SEC63: variants seen among roughly 807,000 people sequenced by gnomAD.
SEC63 encodes translocation protein SEC63 homolog.
SEC63 carries 56 observed loss-of-function variants against 116.2 expected under a neutral mutation model. The ratio of observed to expected loss-of-function variants is 0.48; its 90% CI spans 0.39 to 0.60. The LOEUF (loss-of-function observed/expected upper bound fraction) is 0.60. SEC63 is among the 20% of genes least tolerant of loss of function. SEC63 has a pLI of 0.00. For missense variants in SEC63, 668 were observed against 900.0 expected (o/e 0.74, Z 3.30); for synonymous variants, 273 against 294.6 (o/e 0.93, Z 0.75).
At chr6:107,910,482 A>G (rs917076852) in intron 7 of SEC63, among the ~76,000 whole-genome samples, 1 of 152,102 alleles carries the variant, frequency 6.6e-6, no homozygotes, top group African/African-American at 2.4e-5. Flanking sequence ...CAAAAATAAA[A>G]TTAAAATGGA....
intron 7 of SEC63, 110 bp from the exon 8 acceptor site, chr6:107,909,145 A>T (rs1304118537): frequency 2.8e-6 from 2 of 710,930 alleles, no homozygotes; most frequent in Non-Finnish European, 5.0e-6. Context: ...AGGTGAGAGG[A>T]CTGCTTGAGC....
At chr6:107,948,746 G>T (rs575912708) in intron 1 of SEC63, among the ~76,000 whole-genome samples, 1 of 152,172 alleles carries the variant, frequency 6.6e-6, no homozygotes, top group South Asian at 2.1e-4. Context: ...CTAAGATCCA[G>T]ACCCACCAAA....
At chr6:107,955,939 G>C (rs1770702102) in intron 1 of SEC63, 6 of 355,866 alleles carry the variant, frequency 1.7e-5, no homozygotes, top group Admixed American at 4.2e-5. Context: ...TATGAAATCA[G>C]GTGAATTTTA....
chr6:107,954,283 G>A (rs1219073723), intron 1 of SEC63, among the ~76,000 whole-genome samples: 2 of 151,526 alleles, frequency 1.3e-5, no homozygotes, highest in South Asian at 2.1e-4. Flanking sequence ...CTCGTTAAGA[G>A]TCATCACCAC....
At chr6:107,940,007 T>C (rs1369042467) in intron 1 of SEC63, among the ~76,000 whole-genome samples, 6 of 152,164 alleles carry the variant, frequency 3.9e-5, no homozygotes, top group African/African-American at 1.4e-4. Context: ...ATTTGGAATA[T>C]AGGCTTCATA....
chr6:107,904,692 C>G lies in SEC63; in HGVS notation c.991G>C (p.Ala331Pro). 1 of 1,613,776 alleles carries G rather than the reference C, an allele frequency of 6.2e-7. No homozygotes were observed. Among genetic ancestry groups the G allele is most frequent in the Non-Finnish European group, 8.5e-7 (1 of 1,179,694 alleles). The change falls in exon 11 of 21, where the codon GCC (alanine) becomes CCC (proline). Residue 331 changes from alanine (A) to proline (P), a missense_variant. By Grantham distance (27) the Ala-to-Pro change is conservative. This residue lies in a region of SEC63 where 430 missense variants were observed against 557.5 expected (regional missense o/e 0.77). Transcript: ENST00000369002. ...DQQFMLKKCPALLQEMVNVIC... is the reference protein window; with the variant it reads ...DQQFMLKKCPPLLQEMVNVIC... ...ACATTAACCATTTCTTGAAGTAGGG[C>G]AGGACACTTTTTTAGCATGAATTGC... is the stretch of plus-strand genomic sequence containing the variant.
intron 16 of SEC63, among the ~76,000 whole-genome samples, chr6:107,887,191 A>G (rs1268236522): frequency 5.8e-4 from 88 of 151,484 alleles, no homozygotes; most frequent in Non-Finnish European, 1.0e-3. Context: ...TCAGTGTGGC[A>G]ATTCCTCAGG....
Position 107,911,411 on chromosome 6 carries a change from A to G in SEC63, c.574-15T>C, listed in dbSNP as rs1405242797. 4.5e-6 allele frequency: 7 copies of G among 1,566,684 alleles called. No homozygotes were observed. The South Asian group carries it at 7.8e-5, about 17-fold the overall frequency. The stretch of plus-strand genomic sequence containing the variant: ...ACAAGTAAAACCTAAAATTGAAGAG[A>G]AAAAGAATTATGGCCTTCGTCAGGT... On this transcript the variant is annotated splice_polypyrimidine_tract_variant and intron_variant, in intron 6 of 20. Transcript: ENST00000369002.
chr6:107,876,542 A>T (rs780346197), intron 19 of SEC63, 22 bp downstream of exon 19: 1 of 1,405,422 alleles, frequency 7.1e-7, no homozygotes, highest in South Asian at 1.2e-5. Context: ...TAAACACTGA[A>T]ATCATGTTGC....
intron 1 of SEC63, among the ~76,000 whole-genome samples, chr6:107,945,194 G>A (rs369721540): frequency 0.06 from 8 of 134 alleles, 4 homozygotes; most frequent in African/African-American, 1. Flanking sequence ...GCGAGACTCC[G>A]TCTCAAAAAA....
chr6:107,945,588 GCCAC>G (rs1025174011), intron 1 of SEC63, among the ~76,000 whole-genome samples: 14 of 151,908 alleles, frequency 9.2e-5, no homozygotes, highest in African/African-American at 2.9e-4. Context: ...ACAGGCGTGA[GCCAC>G]CGAGCCCAGC....
intron 14 of SEC63, among the ~76,000 whole-genome samples, chr6:107,896,313 A>G (rs1050269220): frequency 6.6e-6 from 1 of 151,950 alleles, no homozygotes; most frequent in Non-Finnish European, 1.5e-5. Flanking sequence ...AAAATACAAA[A>G]ATTAGCCGGG....
Position 107,902,275 on chromosome 6 carries a change from T to C in SEC63, c.1209+569A>G, listed in dbSNP as rs562267198. ...TTATTAATTCTACATTAATATACTA[T>C]CAAATCCAATGTCTATTCTCTGCTA... is the stretch of plus-strand genomic sequence containing the variant. On this transcript the variant is annotated intron_variant, in intron 12 of 20. Transcript: ENST00000369002. Among the ~76,000 whole-genome samples the C allele has an allele frequency of 2.0e-5, 3 of 152,142 alleles. No homozygotes were observed. The South Asian group carries it at 6.2e-4, about 31-fold the overall frequency.
chr6:107,938,270 C>G (rs1456137142), intron 1 of SEC63, among the ~76,000 whole-genome samples: 1 of 84,554 alleles, frequency 1.2e-5, no homozygotes, highest in Non-Finnish European at 2.5e-5. Flanking sequence ...TTTTTTGAGA[C>G]AGGGTCTTGC....
At chr6:107,916,573 T>G (rs1005316508) in intron 4 of SEC63, among the ~76,000 whole-genome samples, 2 of 152,244 alleles carry the variant, frequency 1.3e-5, no homozygotes, top group African/African-American at 4.8e-5. Flanking sequence ...CAGATAATCG[T>G]GTTTTTCTGC....
At chr6:107,938,566 C>CTT (rs542430538) in intron 1 of SEC63, among the ~76,000 whole-genome samples, 1 of 138,286 alleles carries the variant, frequency 7.2e-6, no homozygotes, top group African/African-American at 2.8e-5. Flanking sequence ...CTTCTTTTTT[C>CTT]TTTTTTTTTT....
rs1282042391 is a variant in SEC63 at position 107,881,172 on chromosome 6, C to T, written c.1912G>A (p.Val638Met). ...ACCTCAGGAAAGTAAAGGCTATACA[C>T]AGGATGTGTTATTTTTGATTTGGTT... ...LETKSKITHP[V>M]YSLYFPEEKQ... The change falls in exon 18 of 21, where the codon GTG becomes ATG. Residue 638 changes from valine to methionine, a missense_variant. Physicochemically the swap from Val to Met is conservative, Grantham distance 21 (BLOSUM62 1). This residue lies in a region of SEC63 where 430 missense variants were observed against 557.5 expected (regional missense o/e 0.77). Transcript: ENST00000369002. 6.2e-7 allele frequency: 1 copy of T among 1,611,276 alleles called. No homozygotes were observed. The highest frequency in any genetic ancestry group is 8.5e-7 in the Non-Finnish European group (1 of 1,178,524).
rs974968605 is a variant in SEC63, at chr6:107,869,360, T to A, written c.*2344A>T. On this transcript the variant is annotated 3_prime_UTR_variant, in exon 21 of 21. Coordinates refer to ENST00000369002, the MANE Select transcript of SEC63 (RefSeq NM_007214.5). ...TGTGGTAAGTCTCCTCATGAACAGCTGTATTTTAATAGGTACTTTACCAAT... is the reference window on the plus strand; with the variant it reads ...TGTGGTAAGTCTCCTCATGAACAGCAGTATTTTAATAGGTACTTTACCAAT... 6.6e-6 allele frequency: 1 copy of A among 152,196 alleles called. No individual in the cohort carries two copies. Among genetic ancestry groups the A allele is most frequent in the Non-Finnish European group, 1.5e-5 (1 of 68,040 alleles). The allele number at this position is 152,196 out of a possible 1,614,324, so 9.4% of individuals were successfully genotyped here.
chr6:107,940,810 C>T (rs1302479333), intron 1 of SEC63, among the ~76,000 whole-genome samples: 1 of 140,914 alleles, frequency 7.1e-6, no homozygotes, highest in African/African-American at 2.6e-5. Flanking sequence ...AAAAAAAAGA[C>T]TCGCTGCAGT....
Sources: gnomAD v4.1 joint callset for allele counts (sites outside exome capture counted in the v4.1 genomes callset) on GRCh38, gnomAD v4.1.1 for gene constraint, gnomAD v4.1.1 regional missense constraint, MANE v1.5 for transcripts, NCBI Gene and HGNC (gene_info 2026-07-23, HGNC 2026-07-21) for gene names.